SLC16A11: variants seen among roughly 807,000 people sequenced by gnomAD.
SLC16A11 encodes the protein solute carrier family 16 member 11, also known as monocarboxylate transporter 11.
A neutral mutation model predicts 26.0 loss-of-function variants in SLC16A11; 24 were observed. The ratio of observed to expected loss-of-function variants is 0.92; its 90% CI spans 0.67 to 1.30. The LOEUF is 1.30. SLC16A11 is among the 50% of genes most tolerant of loss of function. The pLI is 0.00. For missense variants in SLC16A11, 638 were observed against 597.7 expected, an observed-to-expected ratio of 1.07 and a Z score of -0.70; for synonymous variants, 332 against 296.0, an observed-to-expected ratio of 1.12 and a Z score of -1.25.
At position 7,042,011 on chromosome 17, in the gene SLC16A11, C is replaced by A; in HGVS notation, c.1099G>T (p.Gly367Cys). The stretch of plus-strand genomic sequence containing the variant: ...AGGTCCTTACCTGACAGGGGAGGGC[C>A]CAGGAGCCCCCCGAGGCTCATCAGC... ...MMLMSLGGLL[G>C]PPLSGFLRDE... The change falls in exon 4 of 5, where the codon GGC (glycine) becomes TGC (cysteine). Residue 367 changes from glycine to cysteine, a missense_variant. Coordinates refer to ENST00000574600, the MANE Select transcript of SLC16A11 (RefSeq NM_001370549.1). The surrounding 1 kb of genome is among the most constrained non-coding windows in gnomAD (Gnocchi z 5.9). 1.3e-6 allele frequency: 2 copies of A among 1,578,926 alleles called. No homozygotes were observed. Among genetic ancestry groups the A allele is most frequent in the Non-Finnish European group, 1.7e-6 (2 of 1,158,986 alleles).
In SLC16A11 at chr17:7,043,295, C is replaced by T. The variant is rs761099939; in HGVS notation, c.202+17G>A. 1.2e-5 allele frequency: 19 copies of T among 1,596,588 alleles called. No individual in the cohort carries two copies. In the East Asian group the frequency reaches 1.3e-4, roughly 11 times the overall value. ...CCTCCTCCCCGTTCCTGTCTCCCGCCTCAGGGCCCCCCTCACTGGCTGCCT... is the reference window on the plus strand; with the variant it reads ...CCTCCTCCCCGTTCCTGTCTCCCGCTTCAGGGCCCCCCTCACTGGCTGCCT... On this transcript the variant is annotated intron_variant, in intron 2 of 4. Transcript: ENST00000574600.
At position 7,042,852 on chromosome 17, in the gene SLC16A11, T is replaced by C; in HGVS notation, c.346+78A>G. On this transcript the variant is annotated intron_variant, in intron 3 of 4. Coordinates refer to ENST00000574600, the MANE Select transcript of SLC16A11 (RefSeq NM_001370549.1). This position sits in a 1 kb window ranked among gnomAD's most constrained non-coding sequence, Gnocchi z 5.9. Reference sequence around the variant, plus strand: ...CGGCTCTCCGCACCAGGCCCCCGCCTCGTTCGCTACCCCAGATCCCAACAA... The same window carrying C: ...CGGCTCTCCGCACCAGGCCCCCGCCCCGTTCGCTACCCCAGATCCCAACAA... 6.3e-7 allele frequency: 1 copy of C among 1,594,618 alleles called. No individual in the cohort carries two copies. The highest frequency in any genetic ancestry group is 8.5e-7 in the Non-Finnish European group (1 of 1,171,108).
Position 7,042,325 on chromosome 17 carries a change from G to T in SLC16A11, c.785C>A (p.Ala262Asp), listed in dbSNP as rs751096500. 3 of 1,547,470 alleles carry T rather than the reference G, an allele frequency of 1.9e-6. No homozygotes were observed. In the Admixed American group the frequency reaches 5.7e-5, roughly 30 times the overall value. Residue 262 changes from alanine (A) to aspartate (D), a missense_variant, in exon 4 of 5, where the codon GCT becomes GAT. Coordinates refer to ENST00000574600, the MANE Select transcript of SLC16A11 (RefSeq NM_001370549.1). This position sits in a 1 kb window ranked among gnomAD's most constrained non-coding sequence, Gnocchi z 5.9. ...GYGAALVVAVAAMGDAGARLV... is the reference protein window; with the variant it reads ...GYGAALVVAVDAMGDAGARLV... ...CCGGGCGCCCGCATCCCCCATCGCA[G>T]CCACGGCCACCACCAGCGCTGCTCC...
In SLC16A11 at chr17:7,042,423, C is replaced by T; in HGVS notation, c.687G>A (p.Leu229=). The T allele has an allele frequency of 3.2e-6, 5 of 1,558,738 alleles. No individual in the cohort carries two copies. Among genetic ancestry groups the T allele is most frequent in the South Asian group, 1.2e-5 (1 of 84,878 alleles). The part of the protein sequence containing the change: ...AFSIFALGTA[L]VGGGYFVPYV... ...AAGGAACGAAGTACCCGCCCCCAAC[C>T]AGGGCTGTGCCTAGAGCAAAGATTG... Residue 229 remains leucine (L), a synonymous_variant, in exon 4 of 5, where the codon CTG becomes CTA. Coordinates refer to ENST00000574600, the MANE Select transcript of SLC16A11 (RefSeq NM_001370549.1). The surrounding 1 kb of genome is among the most constrained non-coding windows in gnomAD (Gnocchi z 5.9).
Position 7,042,759 on chromosome 17 carries a change from A to T in SLC16A11, c.351T>A (p.Phe117Leu). 4 of 1,537,468 alleles carry T rather than the reference A, an allele frequency of 2.6e-6. No individual in the cohort carries two copies. The South Asian group carries it at 4.8e-5, about 18-fold the overall frequency. Reference protein sequence around the residue: ...LYLGLGLLAGFGWALVFAPAL... With the variant: ...LYLGLGLLAGLGWALVFAPAL... Reference sequence around the variant, plus strand: ...CGGGGGCGAACACCAGGGCCCAACCAAAGCCTGCGAATGAATAGGAGGGGA... The same window carrying T: ...CGGGGGCGAACACCAGGGCCCAACCTAAGCCTGCGAATGAATAGGAGGGGA... The change falls in exon 4 of 5, where the codon TTT becomes TTA. Residue 117 changes from phenylalanine to leucine, a missense_variant. By Grantham distance (22) the Phe-to-Leu change is conservative (BLOSUM62 0). Coordinates refer to ENST00000574600, the MANE Select transcript of SLC16A11 (RefSeq NM_001370549.1). This position sits in a 1 kb window ranked among gnomAD's most constrained non-coding sequence, Gnocchi z 5.9.
chr17:7,041,661 G>A lies in SLC16A11; in HGVS notation c.*18C>T. ...ATAAAAATTCTTTATTGGGGGAGGG[G>A]CTCAAACAAGAAAATAATCAACAAG... On this transcript the variant is annotated 3_prime_UTR_variant, in exon 5 of 5. Transcript: ENST00000574600. 2.6e-6 allele frequency: 4 copies of A among 1,563,068 alleles called. 1 individual carries two copies. In the South Asian group the frequency reaches 3.5e-5, roughly 14 times the overall value.
At position 7,041,676 on chromosome 17, in the gene SLC16A11, TAATC is replaced by T; in HGVS notation, c.1343_*2del. On this transcript the variant is annotated stop_lost and 3_prime_UTR_variant, in exon 5 of 5. Coordinates refer to ENST00000574600, the MANE Select transcript of SLC16A11 (RefSeq NM_001370549.1). ...TGGGGGAGGGGCTCAAACAAGAAAA[TAATC>T]AACAAGTGGTGTCCAGAGTGGAGCC... The T allele has an allele frequency of 1.9e-6, 3 of 1,571,078 alleles. No homozygotes were observed. The highest frequency in any genetic ancestry group is 2.6e-6 in the Non-Finnish European group (3 of 1,160,206).
chr17:7,042,385 G>A lies in SLC16A11; in HGVS notation c.725C>T (p.Ala242Val). The A allele has an allele frequency of 6.4e-7, 1 of 1,566,198 alleles. No homozygotes were observed. Among genetic ancestry groups the A allele is most frequent in the Non-Finnish European group, 8.7e-7 (1 of 1,154,632 alleles). The change falls in exon 4 of 5, where the codon GCT becomes GTT. Residue 242 changes from alanine to valine, a missense_variant. By Grantham distance (64) the Ala-to-Val change is moderately conservative. Coordinates refer to ENST00000574600, the MANE Select transcript of SLC16A11 (RefSeq NM_001370549.1). This position sits in a 1 kb window ranked among gnomAD's most constrained non-coding sequence, Gnocchi z 5.9. ...GGYFVPYVHL[A>V]PHALDRGLGG... ...CAGGCCCCGGTCTAAAGCGTGGGGA[G>A]CCAAGTGCACGTAAGGAACGAAGTA...
In SLC16A11 at chr17:7,042,845, C is replaced by G; in HGVS notation, c.347-82G>C. The G allele has an allele frequency of 6.3e-7, 1 of 1,586,486 alleles. No individual in the cohort carries two copies. The highest frequency in any genetic ancestry group is 1.1e-5 in the South Asian group (1 of 88,224). On this transcript the variant is annotated intron_variant, in intron 3 of 4. Coordinates refer to ENST00000574600, the MANE Select transcript of SLC16A11 (RefSeq NM_001370549.1). This position sits in a 1 kb window ranked among gnomAD's most constrained non-coding sequence, Gnocchi z 5.9. The stretch of plus-strand genomic sequence containing the variant: ...CCCAGCCCGGCTCTCCGCACCAGGC[C>G]CCCGCCTCGTTCGCTACCCCAGATC...
chr17:7,042,913 C>A lies in SLC16A11; in HGVS notation c.346+17G>T, dbSNP rs771978394. The A allele has an allele frequency of 6.1e-5, 99 of 1,612,570 alleles. No homozygotes were observed. The highest frequency in any genetic ancestry group is 8.2e-5 in the Non-Finnish European group (97 of 1,179,752). ...CCTCCTTCACCCTGAATGACCCGGG[C>A]ATCCCACTTCCCTCACCAGCGAGGA... On this transcript the variant is annotated intron_variant, in intron 3 of 4. Coordinates refer to ENST00000574600, the MANE Select transcript of SLC16A11 (RefSeq NM_001370549.1). The surrounding 1 kb of genome is among the most constrained non-coding windows in gnomAD (Gnocchi z 5.9).
intron 1 of SLC16A11, 56 bp from the exon 2 acceptor site, chr17:7,043,575 G>A: frequency 6.5e-7 from 1 of 1,547,568 alleles, no homozygotes; most frequent in Non-Finnish European, 8.7e-7. Context: ...CTTCCGCTGG[G>A]GAGCTGGCAT....
chr17:7,042,728 C>T lies in SLC16A11; in HGVS notation c.382G>A (p.Gly128Ser). Reference sequence around the variant, plus strand: ...CGGGAGAAGTAACGCGAGAGGGTGCCTAGGGCGGGGGCGAACACCAGGGCC... The same window carrying T: ...CGGGAGAAGTAACGCGAGAGGGTGCTTAGGGCGGGGGCGAACACCAGGGCC... ...GWALVFAPAL[G>S]TLSRYFSRRR... is the part of the protein sequence containing the mutation. Residue 128 changes from glycine (G) to serine (S), a missense_variant, in exon 4 of 5, where the codon GGC becomes AGC. Transcript: ENST00000574600. The surrounding 1 kb of genome is among the most constrained non-coding windows in gnomAD (Gnocchi z 5.9). The T allele has an allele frequency of 1.9e-6, 3 of 1,543,510 alleles. No homozygotes were observed. The highest frequency in any genetic ancestry group is 2.6e-6 in the Non-Finnish European group (3 of 1,148,472).
Position 7,041,913 on chromosome 17 carries a change from G to A in SLC16A11, c.1115-5C>T. The A allele has an allele frequency of 6.2e-7, 1 of 1,613,674 alleles. No individual in the cohort carries two copies. Among genetic ancestry groups the A allele is most frequent in the Non-Finnish European group, 8.5e-7 (1 of 1,179,730 alleles). ...CTGTCTCATCCCTTAGGAAGCCTGA[G>A]GAGATGGGTAAGGGCATTTAGAAGC... On this transcript the variant is annotated splice_polypyrimidine_tract_variant and splice_region_variant and intron_variant, in intron 4 of 4. Coordinates refer to ENST00000574600, the MANE Select transcript of SLC16A11 (RefSeq NM_001370549.1).
Position 7,043,037 on chromosome 17 carries a change from G to A in SLC16A11, c.239C>T (p.Ala80Val), listed in dbSNP as rs769435554. Residue 80 changes from alanine to valine, a missense_variant, in exon 3 of 5, where the codon GCC becomes GTC. Transcript: ENST00000574600. ...GCCCCCAACCATCACCACGGGGCGGGCCCCCCAGCGCGTGCTCAGGGCGCT... is the reference window on the plus strand; with the variant it reads ...GCCCCCAACCATCACCACGGGGCGGACCCCCCAGCGCGTGCTCAGGGCGCT... ...VGSALSTRWG[A>V]RPVVMVGGVL... 25 of 1,573,156 alleles carry A rather than the reference G, an allele frequency of 1.6e-5. No individual in the cohort carries two copies. The highest frequency in any genetic ancestry group is 2.1e-5 in the Non-Finnish European group (24 of 1,159,302).
At position 7,041,698 on chromosome 17, in the gene SLC16A11, G is replaced by A. The variant is rs765904625; in HGVS notation, c.1325C>T (p.Thr442Ile). 46 of 1,609,086 alleles carry A rather than the reference G, an allele frequency of 2.9e-5. No homozygotes were observed. The highest frequency in any genetic ancestry group is 3.9e-5 in the Non-Finnish European group (46 of 1,177,818). Residue 442 changes from threonine to isoleucine, a missense_variant, in exon 5 of 5, where the codon ACT becomes ATT. By Grantham distance (89) the Thr-to-Ile change is moderately conservative (BLOSUM62 -1). Coordinates refer to ENST00000574600, the MANE Select transcript of SLC16A11 (RefSeq NM_001370549.1). Reference protein sequence around the residue: ...VLLSPGGPGSTLDTTC With the variant: ...VLLSPGGPGSILDTTC Reference sequence around the variant, plus strand: ...AAATAATCAACAAGTGGTGTCCAGAGTGGAGCCAGGGCCTCCTGGGGACAG... The same window carrying A: ...AAATAATCAACAAGTGGTGTCCAGAATGGAGCCAGGGCCTCCTGGGGACAG...
chr17:7,043,293 G>T lies in SLC16A11; in HGVS notation c.202+19C>A. The T allele has an allele frequency of 1.3e-6, 2 of 1,592,486 alleles. No individual in the cohort carries two copies. Among genetic ancestry groups the T allele is most frequent in the Middle Eastern group, 2.2e-4 (1 of 4,606 alleles). Reference sequence around the variant, plus strand: ...CTCCTCCTCCCCGTTCCTGTCTCCCGCCTCAGGGCCCCCCTCACTGGCTGC... The same window carrying T: ...CTCCTCCTCCCCGTTCCTGTCTCCCTCCTCAGGGCCCCCCTCACTGGCTGC... On this transcript the variant is annotated intron_variant, in intron 2 of 4. Coordinates refer to ENST00000574600, the MANE Select transcript of SLC16A11 (RefSeq NM_001370549.1).
At position 7,042,183 on chromosome 17, in the gene SLC16A11, GCCCACCACGGGCACCAGC is replaced by G. The variant is rs774478095; in HGVS notation, c.909_926del (p.Leu304_Gly309del). ...GGGGACCCCCCCAGCTCTCTTCGCC[GCCCACCACGGGCACCAGC>G]CCCACCACCCACAGCCCCAGCCCAG... On this transcript the variant is annotated inframe_deletion, in exon 4 of 5. Transcript: ENST00000574600. This position sits in a 1 kb window ranked among gnomAD's most constrained non-coding sequence, Gnocchi z 5.9. 5 of 1,567,384 alleles carry G rather than the reference GCCCACCACGGGCACCAGC, an allele frequency of 3.2e-6. No individual in the cohort carries two copies. The East Asian group carries it at 7.2e-5, about 23-fold the overall frequency.
chr17:7,042,690 C>A lies in SLC16A11; in HGVS notation c.420G>T (p.Leu140Phe). Residue 140 changes from leucine (L) to phenylalanine (F), a missense_variant, in exon 4 of 5, where the codon TTG becomes TTT. Transcript: ENST00000574600. The surrounding 1 kb of genome is among the most constrained non-coding windows in gnomAD (Gnocchi z 5.9). Reference sequence around the variant, plus strand: ...TGCCGGTGAGCGCCAGCCCCACCGCCAAGACTCGACGGCGGGAGAAGTAAC... The same window carrying A: ...TGCCGGTGAGCGCCAGCCCCACCGCAAAGACTCGACGGCGGGAGAAGTAAC... Reference protein sequence around the residue: ...LSRYFSRRRVLAVGLALTGNG... With the variant: ...LSRYFSRRRVFAVGLALTGNG... 1 of 1,551,622 alleles carries A rather than the reference C, an allele frequency of 6.4e-7. No individual in the cohort carries two copies. The highest frequency in any genetic ancestry group is 8.7e-7 in the Non-Finnish European group (1 of 1,152,608).
chr17:7,043,875 G>T lies in SLC16A11; in HGVS notation c.-107C>A. Reference sequence around the variant, plus strand: ...GGGCGGGGGCCCCGAAGGGGAGCGAGGGCAGCGATGGAGCCCAACTTGGAC... The same window carrying T: ...GGGCGGGGGCCCCGAAGGGGAGCGATGGCAGCGATGGAGCCCAACTTGGAC... On this transcript the variant is annotated 5_prime_UTR_variant, in exon 1 of 5. Transcript: ENST00000574600. 2.6e-6 allele frequency: 1 copy of T among 381,486 alleles called. No individual in the cohort carries two copies. The highest frequency in any genetic ancestry group is 4.7e-6 in the Non-Finnish European group (1 of 213,278). 23.6% of individuals were successfully genotyped at this position (381,486 alleles called of 1,614,324 possible).
Sources: gnomAD v4.1 joint callset for allele counts on GRCh38, gnomAD v4.1.1 for gene constraint, Gnocchi (gnomAD v3.1) non-coding constraint, MANE v1.5 for transcripts, NCBI Gene and HGNC (gene_info 2026-07-23, HGNC 2026-07-21) for gene names.